ME2: variants seen among roughly 807,000 people sequenced by gnomAD.
ME2 encodes NAD-dependent malic enzyme, mitochondrial.
Under a neutral mutation model 73.7 loss-of-function variants are expected in ME2, and 60 were observed. The ratio of observed to expected loss-of-function variants is 0.81; its 90% confidence interval spans 0.66 to 1.01. The LOEUF (loss-of-function observed/expected upper bound fraction) is 1.01. Ranked by LOEUF, ME2 falls within the 50% of genes least tolerant of loss-of-function variation. The pLI is 0.00. For synonymous variants in ME2, 199 were observed against 236.9 expected (o/e 0.84, Z 1.47); for missense variants, 594 against 705.5 (o/e 0.84, Z 1.79).
At chr18:50,916,002 A>G in intron 4 of ME2, 166 bp from the exon 5 acceptor site, 1 of 556,100 alleles carries the variant, frequency 1.8e-6, no homozygotes. Flanking sequence ...TACAGTTTGA[A>G]GTACTTGAAA....
At chr18:50,912,707 T>C in intron 3 of ME2, 94 bp from the exon 4 acceptor site, 1 of 1,083,434 alleles carries the variant, frequency 9.2e-7, no homozygotes, top group Non-Finnish European at 1.2e-6. Flanking sequence ...GGGGCTCAAT[T>C]TCAATTTTAG....
At chr18:50,924,325 T>G in intron 11 of ME2, 113 bp downstream of exon 11, 1 of 673,606 alleles carries the variant, frequency 1.5e-6, no homozygotes, top group Non-Finnish European at 2.5e-6. Context: ...GCTTTCAGCA[T>G]GTACAATGTT....
At chr18:50,884,337 A>C (rs1205023016) in intron 1 of ME2, among the ~76,000 whole-genome samples, 2 of 152,030 alleles carry the variant, frequency 1.3e-5, no homozygotes, top group Non-Finnish European at 2.9e-5. Flanking sequence ...ATACAAGCCA[A>C]ATTCATTATT....
At chr18:50,884,672 A>C (rs1394628065) in intron 1 of ME2, among the ~76,000 whole-genome samples, 1 of 151,910 alleles carries the variant, frequency 6.6e-6, no homozygotes, top group East Asian at 1.9e-4. Context: ...TAGGAGCAAG[A>C]TTTTAACTAG....
chr18:50,945,383 G>A (rs1420778935), intron 15 of ME2: 1 of 152,148 alleles, frequency 6.6e-6, no homozygotes, highest in Non-Finnish European at 1.5e-5. Flanking sequence ...GCCTCCCAAA[G>A]TGCTGGGATC....
chr18:50,906,566 G>A (rs539440125), intron 2 of ME2, among the ~76,000 whole-genome samples: 25 of 152,254 alleles, frequency 1.6e-4, no homozygotes, highest in African/African-American at 6.0e-4. Context: ...GCCCACCTTG[G>A]CCTCCCAAAG....
At chr18:50,927,727 T>TAC (rs1398763176) in intron 12 of ME2, among the ~76,000 whole-genome samples, 20 of 122,156 alleles carry the variant, frequency 1.6e-4, no homozygotes, top group Non-Finnish European at 3.2e-4. Context: ...AAACCATATA[T>TAC]ATATATATAT....
At chr18:50,883,744 G>A (rs1416323122) in intron 1 of ME2, among the ~76,000 whole-genome samples, 2 of 152,148 alleles carry the variant, frequency 1.3e-5, no homozygotes, top group Non-Finnish European at 2.9e-5. Flanking sequence ...GGCACCTGTA[G>A]TGCTAGCTAC....
At chr18:50,939,008 A>T (rs1917877451) in intron 13 of ME2, 1 of 152,124 alleles carries the variant, frequency 6.6e-6, no homozygotes, top group Admixed American at 6.5e-5. Flanking sequence ...TTATGCTCTA[A>T]CTATATTGGG....
intron 4 of ME2, 61 bp downstream of exon 4, chr18:50,913,011 T>C: frequency 6.6e-6 from 9 of 1,369,692 alleles, no homozygotes; most frequent in Non-Finnish European, 9.0e-6. Flanking sequence ...TATCATTCCA[T>C]AACACCCATT....
At chr18:50,910,554 A>G (rs1406480489) in intron 3 of ME2, among the ~76,000 whole-genome samples, 2 of 152,166 alleles carry the variant, frequency 1.3e-5, no homozygotes, top group African/African-American at 4.8e-5. Flanking sequence ...CTGCACAGCA[A>G]TGTTATTTTT....
intron 4 of ME2, 41 bp downstream of exon 4, chr18:50,912,991 A>G (rs752455461): frequency 2.0e-6 from 3 of 1,504,392 alleles, no homozygotes; most frequent in Non-Finnish European, 2.7e-6. Context: ...TGATTATTGA[A>G]TAAGGAAAAT....
In ME2 at chr18:50,951,866, CAAAAAAAAAAAAAAAAAAAAAAAA is replaced by C. The variant is rs757175835; in HGVS notation, c.*4696_*4719del. 2 of 71,340 alleles carry C rather than the reference CAAAAAAAAAAAAAAAAAAAAAAAA, an allele frequency of 2.8e-5. No homozygotes were observed. The highest frequency in any genetic ancestry group is 5.2e-5 in the Non-Finnish European group (2 of 38,256). 4.4% of individuals were successfully genotyped at this position (71,340 alleles called of 1,614,324 possible). ...TGGGCGACAGAGTGAGCCTCCATCT[CAAAAAAAAAAAAAAAAAAAAAAAA>C]AAAAAAAAAAAAATCTCCAGGGTTC... is the stretch of plus-strand genomic sequence containing the variant. On this transcript the variant is annotated 3_prime_UTR_variant, in exon 16 of 16. Transcript: ENST00000321341.
chr18:50,916,223 T>C lies in ME2; in HGVS notation c.448T>C (p.Trp150Arg). ...RGHVRSIVDN[W>R]PENHVKAVVV... ...TCATGTTAGATCAATTGTGGATAAC[T>C]GGCCAGAAAATCATGTTAAGGTACT... Residue 150 changes from tryptophan to arginine, a missense_variant, in exon 5 of 16, where the codon TGG becomes CGG. By Grantham distance (101) the Trp-to-Arg change is moderately radical. Coordinates refer to ENST00000321341, the MANE Select transcript of ME2 (RefSeq NM_002396.5). 1 of 1,612,728 alleles carries C rather than the reference T, an allele frequency of 6.2e-7. No homozygotes were observed. The highest frequency in any genetic ancestry group is 8.5e-7 in the Non-Finnish European group (1 of 1,179,216).
At chr18:50,939,988 T>G (rs1599126269) in intron 14 of ME2, 2 of 427,830 alleles carry the variant, frequency 4.7e-6, no homozygotes, top group East Asian at 4.4e-5. Context: ...CTTTGAAGTA[T>G]TTCTGAAGAA....
chr18:50,913,074 C>A, intron 4 of ME2, 124 bp downstream of exon 4: 2 of 824,766 alleles, frequency 2.4e-6, no homozygotes, highest in Non-Finnish European at 3.6e-6. Context: ...CTCAGAAAAA[C>A]GTAATTTTGA....
intron 12 of ME2, among the ~76,000 whole-genome samples, chr18:50,926,411 T>C (rs1917554785): frequency 3.3e-5 from 5 of 152,188 alleles, no homozygotes; most frequent in Admixed American, 2.6e-4. Context: ...TTTTCTGACT[T>C]TTGTTTTCTT....
At chr18:50,883,336 CTTTCTCAGGTGTTGACTA>C (rs1308951033) in intron 1 of ME2, among the ~76,000 whole-genome samples, 2 of 152,324 alleles carry the variant, frequency 1.3e-5, no homozygotes, top group East Asian at 3.9e-4. Flanking sequence ...TGTGAACAGT[CTTTCTCAGGTGTTGACTA>C]TTTCCTTCTC....
At chr18:50,884,858 G>A (rs891043973) in intron 1 of ME2, among the ~76,000 whole-genome samples, 6 of 152,082 alleles carry the variant, frequency 3.9e-5, no homozygotes, top group Admixed American at 3.9e-4. Context: ...GTGTGTGTGT[G>A]TGTGTGTGTG....
Sources: gnomAD v4.1 joint callset for allele counts (sites outside exome capture counted in the v4.1 genomes callset) on GRCh38, gnomAD v4.1.1 for gene constraint, MANE v1.5 for transcripts, NCBI Gene and HGNC (gene_info 2026-07-23, HGNC 2026-07-21) for gene names.